Variants in STK33 observed in about 807,000 individuals in gnomAD.
STK33 encodes the protein serine/threonine kinase 33.
In STK33, 52 loss-of-function variants were observed where a neutral mutation model predicts 58.0. The observed-to-expected ratio is 0.90, with a 90% CI of 0.72 to 1.13. STK33 has a LOEUF of 1.13. Ranked by LOEUF, STK33 falls within the 50% of genes most tolerant of loss-of-function variation. STK33 has a pLI of 0.00. For missense variants in STK33, 630 were observed against 604.2 expected, an observed-to-expected ratio of 1.04 and a Z score of -0.45; for synonymous variants, 215 against 200.1, an observed-to-expected ratio of 1.07 and a Z score of -0.63.
the STK33 span, among the ~76,000 whole-genome samples, chr11:8,343,720 C>T: frequency 6.6e-6 from 1 of 152,122 alleles, no homozygotes; most frequent in South Asian, 2.1e-4. Flanking sequence ...TCTCCAATCT[C>T]CACTCCTCTC....
chr11:8,456,901 G>C (rs574297425), intron 9 of STK33, among the ~76,000 whole-genome samples: 1 of 152,254 alleles, frequency 6.6e-6, no homozygotes, highest in East Asian at 1.9e-4. Context: ...CAGTGGGGCA[G>C]GTTGTGCATA....
intron 1 of STK33, among the ~76,000 whole-genome samples, chr11:8,496,627 T>A (rs1034265523): frequency 6.6e-6 from 1 of 151,546 alleles, no homozygotes; most frequent in South Asian, 2.1e-4. Context: ...CAGGCTGGAG[T>A]GCAGTGGCGT....
intron 7 of STK33, among the ~76,000 whole-genome samples, chr11:8,464,105 G>A (rs1400505203): frequency 6.6e-6 from 1 of 152,144 alleles, no homozygotes; most frequent in Non-Finnish European, 1.5e-5. Flanking sequence ...GCACAGAAAT[G>A]AAAAAGGTTG....
chr11:8,495,579 C>A (rs1254709920), intron 1 of STK33, among the ~76,000 whole-genome samples: 2 of 152,076 alleles, frequency 1.3e-5, no homozygotes, highest in African/African-American at 4.8e-5. Context: ...AACATTTGAC[C>A]CAGCGATCCC....
At chr11:8,483,529 C>A (rs865820139) in intron 1 of STK33, among the ~76,000 whole-genome samples, 9 of 152,120 alleles carry the variant, frequency 5.9e-5, no homozygotes, top group African/African-American at 2.2e-4. Context: ...GTGGGCACTT[C>A]CAAAACTGAC....
chr11:8,582,882 A>T (rs900337207), intron 1 of STK33, among the ~76,000 whole-genome samples: 2 of 152,240 alleles, frequency 1.3e-5, no homozygotes, highest in African/African-American at 4.8e-5. Context: ...TCAGTAGTGG[A>T]GAAGCAACCA....
chr11:8,584,070 T>C (rs909111828), intron 1 of STK33, among the ~76,000 whole-genome samples: 2 of 150,222 alleles, frequency 1.3e-5, no homozygotes, highest in Non-Finnish European at 2.9e-5. Context: ...GTTACATTTA[T>C]TGAATCGCAG....
chr11:8,510,524 T>C (rs1952230701), intron 1 of STK33, among the ~76,000 whole-genome samples: 1 of 152,216 alleles, frequency 6.6e-6, no homozygotes. Context: ...CATTTATTTA[T>C]TTTTGTTCTC....
At chr11:8,494,228 C>G (rs528568998) in intron 1 of STK33, among the ~76,000 whole-genome samples, 34 of 152,312 alleles carry the variant, frequency 2.2e-4, no homozygotes, top group Admixed American at 1.4e-3. Flanking sequence ...TCTCCTTAAG[C>G]TGATAAGCAA....
intron 8 of STK33, among the ~76,000 whole-genome samples, chr11:8,461,535 T>TCTAATC (rs1947521152): frequency 6.6e-6 from 1 of 152,168 alleles, no homozygotes; most frequent in Admixed American, 6.5e-5. Context: ...CTAATCACCA[T>TCTAATC]TTGGTTGTGT....
At chr11:8,523,626 C>G (rs1953733934) in intron 1 of STK33, among the ~76,000 whole-genome samples, 1 of 151,498 alleles carries the variant, frequency 6.6e-6, no homozygotes, top group Non-Finnish European at 1.5e-5. Context: ...AAGTGAGGAG[C>G]ATCTCCGCCC....
chr11:8,440,640 C>A (rs1944622171), intron 12 of STK33, 38 bp downstream of exon 12: 1 of 1,498,896 alleles, frequency 6.7e-7, no homozygotes, highest in Non-Finnish European at 9.1e-7. Flanking sequence ...TAGAAACTAT[C>A]CACTCATCTT....
intron 5 of STK33, among the ~76,000 whole-genome samples, chr11:8,474,289 C>T (rs1168519005): frequency 6.6e-6 from 1 of 152,032 alleles, no homozygotes; most frequent in East Asian, 1.9e-4. Flanking sequence ...ACCTAGACAA[C>T]CACAACTTAA....
At chr11:8,593,397 T>G (rs1018528837) in intron 1 of STK33, among the ~76,000 whole-genome samples, 2 of 152,174 alleles carry the variant, frequency 1.3e-5, no homozygotes, top group African/African-American at 4.8e-5. Flanking sequence ...ACCAGACCAC[T>G]CTTAGCATGC....
At chr11:8,362,323 A>C in the STK33 span, among the ~76,000 whole-genome samples, 2 of 152,214 alleles carry the variant, frequency 1.3e-5, no homozygotes, top group Non-Finnish European at 2.9e-5. Flanking sequence ...CGTCTCTATA[A>C]TTGTAAAAGT....
the STK33 span, among the ~76,000 whole-genome samples, chr11:8,355,488 T>G: frequency 1.9e-3 from 295 of 152,284 alleles, no homozygotes; most frequent in Non-Finnish European, 3.2e-3. Context: ...CCCAGCTGGG[T>G]GAGACCTGGA....
intron 11 of STK33, among the ~76,000 whole-genome samples, chr11:8,441,357 AT>A (rs543746826): frequency 4.0e-3 from 573 of 144,392 alleles, no homozygotes; most frequent in African/African-American, 7.8e-3. Flanking sequence ...GTGTGTGTGT[AT>A]TTTTTTTTTT....
intron 1 of STK33, among the ~76,000 whole-genome samples, chr11:8,502,558 TAC>T: frequency 6.6e-6 from 1 of 152,040 alleles, no homozygotes; most frequent in East Asian, 1.9e-4. Flanking sequence ...TACCATTCTA[TAC>T]ATAGGAACTG....
chr11:8,374,087 C>G, the STK33 span, among the ~76,000 whole-genome samples: 1 of 152,246 alleles, frequency 6.6e-6, no homozygotes, highest in Non-Finnish European at 1.5e-5. Context: ...CCCTTGCTGC[C>G]TCCAAATCCA....
Sources: gnomAD v4.1 joint callset for allele counts (sites outside exome capture counted in the v4.1 genomes callset) on GRCh38, gnomAD v4.1.1 for gene constraint, MANE v1.5 for transcripts, NCBI Gene and HGNC (gene_info 2026-07-23, HGNC 2026-07-21) for gene names.